RGS5: variants seen among roughly 807,000 people sequenced by gnomAD.
The protein encoded by RGS5 is regulator of G-protein signalling 5.
RGS5 carries 20 observed loss-of-function variants against 18.9 expected under a neutral mutation model. That is an observed-to-expected ratio of 1.06 (90% CI 0.74 to 1.54). The LOEUF is 1.54. Ranked by LOEUF, RGS5 falls within the 40% of genes most tolerant of loss-of-function variation. RGS5 has a pLI of 0.00. For missense variants in RGS5, 201 were observed against 211.8 expected (o/e 0.95, Z 0.32); for synonymous variants, 57 against 76.2 (o/e 0.75, Z 1.31).
intron 2 of RGS5, among the ~76,000 whole-genome samples, chr1:163,263,780 A>T (rs1648509283): frequency 6.6e-6 from 1 of 151,728 alleles, no homozygotes; most frequent in Non-Finnish European, 1.5e-5. Context: ...TGTCTTTGAG[A>T]GGAAATGAGA....
upstream of RGS5, among the ~76,000 whole-genome samples, chr1:163,221,225 C>T (rs994075074): frequency 3.3e-5 from 5 of 152,258 alleles, no homozygotes; most frequent in South Asian, 2.1e-4. Context: ...AGACCGGGCG[C>T]GGTGGCTCAT....
chr1:163,192,856 C>A (rs932604910), intron 1 of RGS5, among the ~76,000 whole-genome samples: 9 of 152,232 alleles, frequency 5.9e-5, no homozygotes, highest in African/African-American at 1.9e-4. Flanking sequence ...TGGTCTCACA[C>A]TCCCATTCAC....
At chr1:163,264,865 T>C (rs1055182468) in intron 2 of RGS5, among the ~76,000 whole-genome samples, 2 of 152,056 alleles carry the variant, frequency 1.3e-5, no homozygotes, top group Non-Finnish European at 2.9e-5. Context: ...CCAATCTTGA[T>C]CCATGATGAA....
At chr1:163,243,643 CA>C (rs3069033) in intron 2 of RGS5, among the ~76,000 whole-genome samples, 917 of 55,004 alleles carry the variant, frequency 0.017, 6 homozygotes, top group African/African-American at 0.064. Context: ...GACTCCGTCT[CA>C]AAAAAAAAAA....
In RGS5 at chr1:163,250,023, T is replaced by G. The variant is rs149030122; in HGVS notation, c.-281+56210A>C. Reference sequence around the variant, plus strand: ...CACTGCCACAGTTCTTAGACTAATATGGGCTTGAGGCTGGAAGTACTCAGC... The same window carrying G: ...CACTGCCACAGTTCTTAGACTAATAGGGGCTTGAGGCTGGAAGTACTCAGC... On this transcript the variant is annotated intron_variant, in intron 2 of 5. Coordinates refer to the RGS5 transcript ENST00000618415. Among the ~76,000 whole-genome samples the G allele has an allele frequency of 4.9e-3, 742 of 152,292 alleles. 5 individuals carry two copies. Among genetic ancestry groups the G allele is most frequent in the African/African-American group, 0.017 (698 of 41,548 alleles).
intron 1 of RGS5, among the ~76,000 whole-genome samples, chr1:163,173,134 T>C (rs74117604): frequency 0.02 from 2,973 of 152,322 alleles, 97 homozygotes; most frequent in African/African-American, 0.068. Flanking sequence ...CTGCTTGGTC[T>C]CGGGCTCTAT....
intron 1 of RGS5, among the ~76,000 whole-genome samples, chr1:163,201,814 C>T (rs1364512512): frequency 6.6e-6 from 1 of 152,152 alleles, no homozygotes; most frequent in Non-Finnish European, 1.5e-5. Flanking sequence ...ACAAACACTG[C>T]TAATGCCTTT....
intron 1 of RGS5, chr1:163,172,467 G>GT (rs1349795562): frequency 9.8e-6 from 14 of 1,429,244 alleles, no homozygotes; most frequent in African/African-American, 4.3e-5. Context: ...CTTAAATAGA[G>GT]TTTTTTGTGG....
chr1:163,202,496 C>T (rs1006125075), intron 1 of RGS5, among the ~76,000 whole-genome samples: 4 of 152,118 alleles, frequency 2.6e-5, no homozygotes, highest in Non-Finnish European at 4.4e-5. Context: ...TATCCTTAAC[C>T]ATACAGTTTT....
chr1:163,188,656 C>T (rs563206425), intron 1 of RGS5, among the ~76,000 whole-genome samples: 3 of 151,990 alleles, frequency 2.0e-5, no homozygotes, highest in East Asian at 1.9e-4. Flanking sequence ...GGCAACCTGG[C>T]GAACTAGAAA....
At chr1:163,237,202 T>C (rs12753775) in intron 2 of RGS5, 30,115 of 152,320 alleles carry the variant, frequency 0.2, 3,410 homozygotes, top group Non-Finnish European at 0.25. Flanking sequence ...AGGCTGCTGA[T>C]GTACTCTCCA....
chr1:163,218,775 G>C (rs1660272668), upstream of RGS5, among the ~76,000 whole-genome samples: 1 of 152,084 alleles, frequency 6.6e-6, no homozygotes, highest in South Asian at 2.1e-4. Context: ...TAAGGAATGG[G>C]ATTATGGTAA....
chr1:163,263,037 C>A (rs1001677448), intron 2 of RGS5, among the ~76,000 whole-genome samples: 2 of 152,138 alleles, frequency 1.3e-5, no homozygotes, highest in African/African-American at 4.8e-5. Flanking sequence ...TACCCACAGC[C>A]AAACCCACAT....
At chr1:163,234,246 C>A (rs1647562609) in intron 2 of RGS5, among the ~76,000 whole-genome samples, 1 of 152,054 alleles carries the variant, frequency 6.6e-6, no homozygotes, top group Non-Finnish European at 1.5e-5. Flanking sequence ...TTCTATTTTT[C>A]TTAGTACTTC....
intron 2 of RGS5, among the ~76,000 whole-genome samples, chr1:163,299,959 T>G (rs1649511495): frequency 6.6e-6 from 1 of 152,228 alleles, no homozygotes; most frequent in South Asian, 2.1e-4. Flanking sequence ...TTGTGTGTTT[T>G]CTTTTAAAAA....
At chr1:163,191,875 C>T (rs1301893641) in intron 1 of RGS5, among the ~76,000 whole-genome samples, 3 of 152,058 alleles carry the variant, frequency 2.0e-5, no homozygotes, top group Admixed American at 2.0e-4. Context: ...AGAAGAGGGG[C>T]TGAAGCTTGA....
chr1:163,272,452 CT>C (rs886347477), intron 2 of RGS5, among the ~76,000 whole-genome samples: 1 of 152,054 alleles, frequency 6.6e-6, no homozygotes, highest in Non-Finnish European at 1.5e-5. Context: ...ATGGCTTCTG[CT>C]TTGGTCATCT....
intron 1 of RGS5, among the ~76,000 whole-genome samples, chr1:163,189,178 C>T (rs966527876): frequency 6.6e-6 from 1 of 152,114 alleles, no homozygotes; most frequent in Non-Finnish European, 1.5e-5. Context: ...TAAGAAAGCA[C>T]CATTTGCATG....
At chr1:163,280,182 C>CA (rs1648955387) in intron 2 of RGS5, among the ~76,000 whole-genome samples, 1 of 131,754 alleles carries the variant, frequency 7.6e-6, no homozygotes, top group Non-Finnish European at 1.7e-5. Flanking sequence ...ATCCTAATAC[C>CA]AAAACCAGAC....
Sources: gnomAD v4.1 joint callset for allele counts (sites outside exome capture counted in the v4.1 genomes callset) on GRCh38, gnomAD v4.1.1 for gene constraint, MANE v1.5 for transcripts, NCBI Gene and HGNC (gene_info 2026-07-23, HGNC 2026-07-21) for gene names.